Variants in STK31 observed in about 807,000 individuals in gnomAD.
The protein encoded by STK31 is serine/threonine kinase 31.
A neutral mutation model predicts 129.7 loss-of-function variants in STK31; 89 were observed. The observed-to-expected ratio is 0.69, with a 90% CI of 0.58 to 0.82. The LOEUF (loss-of-function observed/expected upper bound fraction) is 0.82. Among genes scored for constraint, STK31 ranks in the 40% least tolerant of loss-of-function variants. The probability of loss-of-function intolerance (pLI) is 0.00; values close to 1 mark genes in which losing one functional copy is unlikely to be tolerated. For missense variants in STK31, 1,187 were observed against 1,176.4 expected (o/e 1.01, Z -0.13); for synonymous variants, 448 against 395.3 (o/e 1.13, Z -1.58).
chr7:23,735,554 GGAGCTTGA>G lies in STK31; in HGVS notation c.501_508del (p.Ser168PhefsTer2). ...CTTTCTTAGGGCACAACCTTTTTGG[GGAGCTTGA>G]TTTTTGAAAAGGAAATAAAAATGAG... is the stretch of plus-strand genomic sequence containing the variant. On this transcript the variant is annotated frameshift_variant, in exon 7 of 24. Coordinates refer to ENST00000355870, the MANE Select transcript of STK31 (RefSeq NM_031414.5). LOFTEE classifies it high-confidence loss of function. 1 of 1,599,376 alleles carries G rather than the reference GGAGCTTGA, an allele frequency of 6.3e-7. No homozygotes were observed. The highest frequency in any genetic ancestry group is 8.5e-7 in the Non-Finnish European group (1 of 1,172,320).
chr7:23,777,646 A>G (rs1276128479), intron 15 of STK31, among the ~76,000 whole-genome samples: 2 of 151,980 alleles, frequency 1.3e-5, no homozygotes, highest in Admixed American at 6.6e-5. Context: ...ATCAGATACC[A>G]GGATTGCAAT....
intron 15 of STK31, among the ~76,000 whole-genome samples, chr7:23,776,179 G>A (rs1790530232): frequency 6.6e-6 from 1 of 152,250 alleles, no homozygotes; most frequent in African/African-American, 2.4e-5. Context: ...GGATGAAGCT[G>A]ACTTGATTTT....
At chr7:23,740,646 TC>T (rs145358859) in intron 8 of STK31, among the ~76,000 whole-genome samples, 1 of 151,812 alleles carries the variant, frequency 6.6e-6, no homozygotes, top group East Asian at 1.9e-4. Context: ...CCTTCACCAC[TC>T]CCCCCACCCC....
intron 16 of STK31, among the ~76,000 whole-genome samples, chr7:23,782,510 A>G (rs1791001901): frequency 1.3e-5 from 2 of 151,610 alleles, no homozygotes; most frequent in African/African-American, 2.4e-5. Flanking sequence ...AAAGAAAGTA[A>G]TAATATTAAT....
At chr7:23,761,951 A>G (rs1304341420) in intron 10 of STK31, among the ~76,000 whole-genome samples, 1 of 151,058 alleles carries the variant, frequency 6.6e-6, no homozygotes, top group Non-Finnish European at 1.5e-5. Flanking sequence ...TAGTTTTATA[A>G]TACATTTTAT....
chr7:23,728,325 A>G (rs1003439216), intron 5 of STK31, among the ~76,000 whole-genome samples: 3 of 152,034 alleles, frequency 2.0e-5, no homozygotes, highest in Non-Finnish European at 2.9e-5. Context: ...AAAAATATGT[A>G]TGTTTCAGAA....
chr7:23,730,983 C>G (rs1174380216), intron 6 of STK31, among the ~76,000 whole-genome samples: 2 of 146,342 alleles, frequency 1.4e-5, no homozygotes, highest in African/African-American at 2.5e-5. Context: ...CTCTTGGGTT[C>G]AAGCGATTCT....
intron 16 of STK31, among the ~76,000 whole-genome samples, 192 bp from the exon 17 acceptor site, chr7:23,783,391 A>T (rs1428755875): frequency 6.6e-6 from 1 of 152,124 alleles, no homozygotes; most frequent in Non-Finnish European, 1.5e-5. Flanking sequence ...GCCATGTTTA[A>T]TTTGCTTTAG....
intron 10 of STK31, among the ~76,000 whole-genome samples, chr7:23,760,687 T>C (rs1789410381): frequency 6.6e-6 from 1 of 152,130 alleles, no homozygotes; most frequent in Non-Finnish European, 1.5e-5. Flanking sequence ...TGAGGTATGG[T>C]CTCACTCTGT....
chr7:23,804,907 A>G (rs192926712), intron 22 of STK31, among the ~76,000 whole-genome samples: 1 of 152,248 alleles, frequency 6.6e-6, no homozygotes, highest in African/African-American at 2.4e-5. Flanking sequence ...GCAGCCTTCT[A>G]GCTTTTTTCT....
chr7:23,785,681 A>G lies in STK31; in HGVS notation c.2274+78A>G, dbSNP rs1791232187. ...GGTGCTGTTACATTTCAAGAAAGAA[A>G]AAACCTCACTGTTAGTTTTCTAAAG... On this transcript the variant is annotated intron_variant, in intron 18 of 23. Transcript: ENST00000355870. 4.0e-6 allele frequency: 6 copies of G among 1,510,096 alleles called. No individual in the cohort carries two copies. The Admixed American group carries it at 9.9e-5, about 25-fold the overall frequency. The allele number at this position is 1,510,096 out of a possible 1,614,324, so 93.5% of individuals were successfully genotyped here.
intron 23 of STK31, among the ~76,000 whole-genome samples, chr7:23,823,879 G>A (rs577602366): frequency 1.3e-5 from 2 of 152,068 alleles, no homozygotes; most frequent in African/African-American, 4.8e-5. Context: ...GCTTGTTTTT[G>A]TCAGGTTTGT....
chr7:23,763,074 A>G (rs1789569050), intron 11 of STK31, 151 bp downstream of exon 11: 1 of 687,524 alleles, frequency 1.5e-6, no homozygotes, highest in South Asian at 2.8e-5. Context: ...AATGGGATTA[A>G]AAGTTTATAT....
At chr7:23,809,464 CA>C (rs1792946958) in intron 22 of STK31, among the ~76,000 whole-genome samples, 1 of 152,120 alleles carries the variant, frequency 6.6e-6, no homozygotes, top group South Asian at 2.1e-4. Context: ...CAAATTTGAG[CA>C]CTTACAAATT....
chr7:23,800,564 CAGGG>C (rs1261799959), intron 22 of STK31, among the ~76,000 whole-genome samples: 3 of 151,528 alleles, frequency 2.0e-5, no homozygotes, highest in Non-Finnish European at 4.4e-5. Flanking sequence ...CATATGGACA[CAGGG>C]AGGGGAACAT....
At chr7:23,721,642 C>T in intron 4 of STK31, 2 of 853,110 alleles carry the variant, frequency 2.3e-6, no homozygotes, top group South Asian at 2.6e-5. Context: ...AAATACAAGC[C>T]AAGCCCTGTG....
Position 23,752,775 on chromosome 7 carries a change from A to G in STK31, c.1076A>G (p.Tyr359Cys), listed in dbSNP as rs2128092977. ...CACTTAGAATACACTCTGAAGACCT[A>G]TATAGATACCAGAATGAAAAATCTG... ...TNHLEYTLKT[Y>C]IDTRMKNLAA... The change falls in exon 9 of 24, where the codon TAT (tyrosine) becomes TGT (cysteine). Residue 359 changes from tyrosine (Y) to cysteine (C), a missense_variant. Around this residue, in one of 5 missense-constraint regions of STK31, gnomAD observed 975 missense variants for 934.9 expected, o/e 1.04. Coordinates refer to ENST00000355870, the MANE Select transcript of STK31 (RefSeq NM_031414.5). 3.7e-6 allele frequency: 6 copies of G among 1,613,854 alleles called. No individual in the cohort carries two copies. The highest frequency in any genetic ancestry group is 1.6e-4 in the Middle Eastern group (1 of 6,062).
At chr7:23,773,860 T>C (rs1378981123) in intron 15 of STK31, among the ~76,000 whole-genome samples, 1 of 152,038 alleles carries the variant, frequency 6.6e-6, no homozygotes, top group Admixed American at 6.6e-5. Context: ...ACATGTGCCA[T>C]GTTGGTTTGC....
At chr7:23,719,258 G>T (rs755501760) in intron 4 of STK31, among the ~76,000 whole-genome samples, 2 of 152,022 alleles carry the variant, frequency 1.3e-5, no homozygotes, top group African/African-American at 4.8e-5. Flanking sequence ...ATGACAAAAA[G>T]TATGCAATGA....
Sources: allele counts gnomAD v4.1 joint callset (sites outside exome capture counted in the v4.1 genomes callset), GRCh38; gene constraint gnomAD v4.1.1; regional missense constraint gnomAD v4.1.1; transcripts MANE v1.5; gene names NCBI Gene and HGNC (gene_info 2026-07-23, HGNC 2026-07-21).